The following NUMA1 variants were observed in gnomAD, a reference collection of about 807,000 sequenced individuals.
The protein encoded by NUMA1 is SP-H antigen.
Under a neutral mutation model 237.1 loss-of-function variants are expected in NUMA1, and 62 were observed. The ratio of observed to expected loss-of-function variants is 0.26; its 90% CI spans 0.21 to 0.32. NUMA1 has a LOEUF of 0.32. NUMA1 is among the 10% of genes least tolerant of loss of function. NUMA1 has a pLI of 1.00. For missense variants in NUMA1, 2,533 were observed against 2,666.5 expected, an observed-to-expected ratio of 0.95 and a Z score of 1.10; for synonymous variants, 1,028 against 1,066.1, an observed-to-expected ratio of 0.96 and a Z score of 0.70.
At chr11:72,007,943 C>A in intron 20 of NUMA1, 1 of 373,530 alleles carries the variant, frequency 2.7e-6, no homozygotes, top group Non-Finnish European at 5.2e-6. Context: ...CATCATGGCA[C>A]TGACAGAGGA....
At chr11:72,011,643 G>A (rs765269758) in intron 16 of NUMA1, among the ~76,000 whole-genome samples, 17 of 152,234 alleles carry the variant, frequency 1.1e-4, no homozygotes, top group South Asian at 2.1e-4. Flanking sequence ...CAATTTTTCA[G>A]CAGCCCTGGG....
chr11:72,004,881 T>C lies in NUMA1; in HGVS notation c.5830-65A>G. On this transcript the variant is annotated intron_variant, in intron 23 of 26. Transcript: ENST00000393695. ...ATGGAGATGGAGGAGGACCTGGGGC[T>C]GTCCCAGAACTCTACACTCGCCCGA... 2.7e-6 allele frequency: 4 copies of C among 1,462,444 alleles called. 1 individual carries two copies. The South Asian group carries it at 4.1e-5, about 15-fold the overall frequency. 90.6% of individuals were successfully genotyped at this position (1,462,444 alleles called of 1,614,324 possible). A position where few individuals can be genotyped will look rare whatever the true frequency, so the allele number is the denominator to read the frequency against.
intron 3 of NUMA1, among the ~76,000 whole-genome samples, chr11:72,033,020 GTGTGTA>G (rs1206702513): frequency 6.6e-6 from 1 of 151,986 alleles, no homozygotes; most frequent in Non-Finnish European, 1.5e-5. Flanking sequence ...ATTATCATGT[GTGTGTA>G]TGTGTATGTT....
At chr11:72,048,856 G>C (rs1347140701) in intron 2 of NUMA1, among the ~76,000 whole-genome samples, 1 of 152,168 alleles carries the variant, frequency 6.6e-6, no homozygotes, top group South Asian at 2.1e-4. Context: ...AAGGGTTAGA[G>C]GGGGAGGCTG....
At chr11:72,016,604 A>G (rs1164292518) in intron 13 of NUMA1, 74 bp from the exon 14 acceptor site, 1 of 1,530,438 alleles carries the variant, frequency 6.5e-7, no homozygotes, top group Non-Finnish European at 8.9e-7. Flanking sequence ...CCTCATAAAC[A>G]TCAGCAAACA....
intron 2 of NUMA1, chr11:72,047,878 T>C (rs1431475135): frequency 6.6e-6 from 1 of 152,190 alleles, no homozygotes; most frequent in African/African-American, 2.4e-5. Context: ...TTAAAAAATA[T>C]ATGGAACTCT....
chr11:72,028,905 G>A (rs1939933674), intron 4 of NUMA1, among the ~76,000 whole-genome samples: 1 of 152,206 alleles, frequency 6.6e-6, no homozygotes, highest in South Asian at 2.1e-4. Flanking sequence ...CAAGAGATGG[G>A]GAACCCAAGA....
rs534026814 is a variant in NUMA1 at position 72,021,417 on chromosome 11, A to G, written c.373-126T>C. The stretch of plus-strand genomic sequence containing the variant: ...ATGCCCTAGGAGCCTGCTGGATCCC[A>G]TTCTCCCTCTCAGAGCTGAGGTCCT... On this transcript the variant is annotated intron_variant, in intron 7 of 26. Transcript: ENST00000393695. The G allele has an allele frequency of 3.2e-5, 25 of 782,956 alleles. No homozygotes were observed. The East Asian group carries it at 5.1e-4, about 16-fold the overall frequency. The allele number at this position is 782,956 out of a possible 1,614,324, so 48.5% of individuals were successfully genotyped here.
Position 72,015,093 on chromosome 11 carries a change from C to G in NUMA1, c.2410G>C (p.Glu804Gln). The G allele has an allele frequency of 6.2e-7, 1 of 1,613,870 alleles. No homozygotes were observed. The highest frequency in any genetic ancestry group is 8.5e-7 in the Non-Finnish European group (1 of 1,180,048). ...AAQHTAESEC[E>Q]QLVKEVAAWR... ...GCAGCTACTTCTTTGACGAGCTGCT[C>G]ACACTCACTCTCAGCTGTGTGCTGG... Residue 804 changes from glutamate to glutamine, a missense_variant, in exon 15 of 27, where the codon GAG (glutamate) becomes CAG (glutamine). Glu to Gln is a conservative substitution (Grantham distance 29, BLOSUM62 2). Transcript: ENST00000393695. This position sits in a 1 kb window ranked among gnomAD's most constrained non-coding sequence, Gnocchi z 4.0.
chr11:72,050,140 C>T (rs1942258957), intron 2 of NUMA1, among the ~76,000 whole-genome samples: 1 of 152,172 alleles, frequency 6.6e-6, no homozygotes, highest in Non-Finnish European at 1.5e-5. Context: ...ATTGGAGCCA[C>T]ACTCGAGGAA....
chr11:72,013,458 C>T lies in NUMA1; in HGVS notation c.4045G>A (p.Glu1349Lys), dbSNP rs370046141. The part of the protein sequence containing the change: ...KEQALSTLQL[E>K]HTSTQALVSE... Reference sequence around the variant, plus strand: ...ACCAGGGCCTGTGTGCTGGTGTGCTCGAGCTGCAGGGTGGAGAGGGCCTGC... The same window carrying T: ...ACCAGGGCCTGTGTGCTGGTGTGCTTGAGCTGCAGGGTGGAGAGGGCCTGC... Residue 1349 changes from glutamate (E) to lysine (K), a missense_variant, in exon 15 of 27, where the codon GAG (glutamate) becomes AAG (lysine). By Grantham distance (56) the Glu-to-Lys change is moderately conservative (BLOSUM62 1). Coordinates refer to ENST00000393695, the MANE Select transcript of NUMA1 (RefSeq NM_006185.4). This position sits in a 1 kb window ranked among gnomAD's most constrained non-coding sequence, Gnocchi z 6.8. 5.0e-6 allele frequency: 8 copies of T among 1,613,346 alleles called. No individual in the cohort carries two copies. The highest frequency in any genetic ancestry group is 6.8e-6 in the Non-Finnish European group (8 of 1,180,014).
Position 72,013,284 on chromosome 11 carries a change from C to T in NUMA1, c.4219G>A (p.Gly1407Arg). ...AELLRAQRELGELIPLRQKVA... is the reference protein window; with the variant it reads ...AELLRAQRELRELIPLRQKVA... ...TTCTGCCGCAGAGGAATCAGCTCCC[C>T]AAGCTCCCGCTGGGCCCGCAGCAGC... Residue 1407 changes from glycine (G) to arginine (R), a missense_variant, in exon 15 of 27, where the codon GGG becomes AGG. Physicochemically the swap from Gly to Arg is moderately radical, Grantham distance 125. Around this residue, in one of 3 missense-constraint regions of NUMA1, gnomAD observed 324 missense variants for 407.6 expected, o/e 0.79. Coordinates refer to ENST00000393695, the MANE Select transcript of NUMA1 (RefSeq NM_006185.4). This position sits in a 1 kb window ranked among gnomAD's most constrained non-coding sequence, Gnocchi z 6.8. 6.2e-7 allele frequency: 1 copy of T among 1,604,416 alleles called. No homozygotes were observed. The highest frequency in any genetic ancestry group is 1.1e-5 in the South Asian group (1 of 91,064).
At chr11:72,024,979 C>T in intron 4 of NUMA1, 1 of 152,890 alleles carries the variant, frequency 6.5e-6, no homozygotes, top group Non-Finnish European at 1.5e-5. Context: ...CTCACTATAA[C>T]CTCTGACTCC....
intron 2 of NUMA1, chr11:72,068,766 A>G (rs1307485832): frequency 6.6e-6 from 1 of 152,230 alleles, no homozygotes; most frequent in Non-Finnish European, 1.5e-5. Context: ...GAAAACTGCA[A>G]TCAAAATACT....
In NUMA1 at chr11:72,018,398, C is replaced by T. The variant is rs546087028; in HGVS notation, c.858G>A (p.Glu286=). 2.7e-5 allele frequency: 43 copies of T among 1,613,758 alleles called. No individual in the cohort carries two copies. In the South Asian group the frequency reaches 4.3e-4, roughly 16 times the overall value. The change falls in exon 11 of 27, where the codon GAG becomes GAA. Residue 286 remains glutamate, a splice_region_variant and synonymous_variant. Transcript: ENST00000393695. ...KELEELRDKN[E]SLTMRLHETL... is the part of the protein sequence containing the mutation. ...AAGGAATGCAGGGAGAGCTGTACCT[C>T]TCATTCTTGTCACGCAGCTCCTCAA... is the stretch of plus-strand genomic sequence containing the variant.
Position 72,014,606 on chromosome 11 carries a change from G to A in NUMA1, c.2897C>T (p.Ala966Val), listed in dbSNP as rs1317939783. The A allele has an allele frequency of 3.1e-6, 5 of 1,607,302 alleles. No homozygotes were observed. Among genetic ancestry groups the A allele is most frequent in the South Asian group, 1.1e-5 (1 of 91,090 alleles). The change falls in exon 15 of 27, where the codon GCG (alanine) becomes GTG (valine). Residue 966 changes from alanine to valine, a missense_variant. By Grantham distance (64) the Ala-to-Val change is moderately conservative. Around this residue, in one of 3 missense-constraint regions of NUMA1, gnomAD observed 1,414 missense variants for 1,508.1 expected, o/e 0.94. Transcript: ENST00000393695. This position sits in a 1 kb window ranked among gnomAD's most constrained non-coding sequence, Gnocchi z 4.6. ...QGRQFCSTQA[A>V]LQAMEREAEQ... is the part of the protein sequence containing the mutation. ...TGCCTCCCGCTCCATAGCCTGCAGC[G>A]CTGCCTGTGTGCTGCAGAACTGGCG...
chr11:72,058,600 T>C (rs1251803433), intron 2 of NUMA1, among the ~76,000 whole-genome samples: 3 of 152,226 alleles, frequency 2.0e-5, no homozygotes, highest in Non-Finnish European at 4.4e-5. Context: ...TCTACACACA[T>C]ACTTTCCTTG....
At chr11:72,028,474 AAAAAG>A (rs1487700436) in intron 4 of NUMA1, among the ~76,000 whole-genome samples, 2 of 151,300 alleles carry the variant, frequency 1.3e-5, no homozygotes, top group Non-Finnish European at 2.9e-5. Context: ...AAAAAAAAAA[AAAAAG>A]ATGACAACTG....
At chr11:72,026,087 C>A (rs926507856) in intron 4 of NUMA1, among the ~76,000 whole-genome samples, 1 of 152,114 alleles carries the variant, frequency 6.6e-6, no homozygotes, top group Non-Finnish European at 1.5e-5. Flanking sequence ...ACCACAAAAC[C>A]CTTTTCCCCC....
Sources: allele counts gnomAD v4.1 joint callset (sites outside exome capture counted in the v4.1 genomes callset), GRCh38; gene constraint gnomAD v4.1.1; regional missense constraint gnomAD v4.1.1; non-coding constraint Gnocchi (gnomAD v3.1); transcripts MANE v1.5; gene names NCBI Gene and HGNC (gene_info 2026-07-23, HGNC 2026-07-21).